Variants in KLHL29 observed in about 807,000 individuals in gnomAD.
The protein encoded by KLHL29 is kelch-like protein 29.
Under a neutral mutation model 80.4 loss-of-function variants are expected in KLHL29, and 21 were observed. The observed-to-expected ratio is 0.26, with a 90% CI of 0.19 to 0.38. The LOEUF is 0.38. Among genes scored for constraint, KLHL29 ranks in the 10% least tolerant of loss-of-function variants. KLHL29 has a pLI of 1.00. For synonymous variants in KLHL29, 511 were observed against 526.8 expected (o/e 0.97, Z 0.41); for missense variants, 867 against 1,223.9 (o/e 0.71, Z 4.35).
intron 2 of KLHL29, among the ~76,000 whole-genome samples, chr2:23,521,504 T>C (rs1271058990): frequency 6.6e-6 from 1 of 152,210 alleles, no homozygotes; most frequent in African/African-American, 2.4e-5. Context: ...ATGTGCTGCA[T>C]TGGGCCAGCT....
At chr2:23,687,571 G>A (rs961064338) in intron 6 of KLHL29, among the ~76,000 whole-genome samples, 1 of 152,224 alleles carries the variant, frequency 6.6e-6, no homozygotes, top group African/African-American at 2.4e-5. Flanking sequence ...ACAGTCTGGT[G>A]GGGACACGCT....
At chr2:23,560,624 T>C (rs1473998959) in intron 2 of KLHL29, among the ~76,000 whole-genome samples, 1 of 152,226 alleles carries the variant, frequency 6.6e-6, no homozygotes, top group Non-Finnish European at 1.5e-5. Context: ...GAAAGCATAA[T>C]GGTGAAATAA....
At chr2:23,601,118 A>G (rs1289166424) in intron 3 of KLHL29, among the ~76,000 whole-genome samples, 1 of 152,116 alleles carries the variant, frequency 6.6e-6, no homozygotes, top group Non-Finnish European at 1.5e-5. Flanking sequence ...TCCTGCCCCC[A>G]AGTTTGCGCT....
At chr2:23,657,121 C>T (rs1572471730) in intron 5 of KLHL29, among the ~76,000 whole-genome samples, 1 of 152,080 alleles carries the variant, frequency 6.6e-6, no homozygotes, top group Non-Finnish European at 1.5e-5. Flanking sequence ...CCCTTACTCC[C>T]TTTTCCTGCT....
At chr2:23,646,988 T>A (rs1669952973) in intron 5 of KLHL29, among the ~76,000 whole-genome samples, 1 of 152,008 alleles carries the variant, frequency 6.6e-6, no homozygotes, top group Non-Finnish European at 1.5e-5. Flanking sequence ...TGGTCCAGGG[T>A]CTAGAGAGTT....
rs926570824 is a variant in KLHL29, at chr2:23,707,172, C to T, written c.*508C>T. On this transcript the variant is annotated 3_prime_UTR_variant, in exon 14 of 14. Transcript: ENST00000486442. ...AGGGACAATACTGTGCATCACAAGG[C>T]CTAGGAGGCTGCTGGTCCCCACTGG... 5 of 152,294 alleles carry T rather than the reference C, an allele frequency of 3.3e-5. No individual in the cohort carries two copies. Among genetic ancestry groups the T allele is most frequent in the African/African-American group, 1.2e-4 (5 of 41,464 alleles). The allele number at this position is 152,294 out of a possible 1,614,324, so 9.4% of individuals were successfully genotyped here.
chr2:23,582,229 T>C (rs1160930445), intron 3 of KLHL29, among the ~76,000 whole-genome samples: 3 of 152,256 alleles, frequency 2.0e-5, no homozygotes, highest in Non-Finnish European at 2.9e-5. Context: ...GTGTGCTTTA[T>C]GGTTTTCAAA....
rs374308977 is a variant in KLHL29 at position 23,703,249 on chromosome 2, T to C, written c.2169T>C (p.Ala723=). The C allele has an allele frequency of 1.2e-5, 18 of 1,544,204 alleles. No homozygotes were observed. The African/African-American group carries it at 2.5e-4, about 21-fold the overall frequency. The part of the protein sequence containing the change: ...VAPLPKAVHS[A]AATVCGGKIY... ...CTCTGCCCAAGGCAGTACACTCTGC[T>C]GCAGCCACAGTGTGTGGCGGCAAGA... is the stretch of plus-strand genomic sequence containing the variant. Residue 723 remains alanine, a synonymous_variant, in exon 12 of 14, where the codon GCT becomes GCC. Transcript: ENST00000486442.
chr2:23,645,068 C>T (rs529253987), intron 5 of KLHL29, among the ~76,000 whole-genome samples: 139 of 152,254 alleles, frequency 9.1e-4, no homozygotes, highest in Non-Finnish European at 1.4e-3. Flanking sequence ...GAAAGAGTGA[C>T]GCACGCGCCT....
At chr2:23,490,770 G>C (rs916812118) in intron 2 of KLHL29, among the ~76,000 whole-genome samples, 1 of 152,128 alleles carries the variant, frequency 6.6e-6, no homozygotes, top group Admixed American at 6.6e-5. Flanking sequence ...TCCCTCCTCA[G>C]GGCTGGTTAC....
At position 23,577,769 on chromosome 2, in the gene KLHL29, A is replaced by C. The variant is rs994633265; in HGVS notation, c.285+15288A>C. On this transcript the variant is annotated intron_variant, in intron 3 of 13. Coordinates refer to ENST00000486442, the MANE Select transcript of KLHL29 (RefSeq NM_052920.2). ...ATCTCAAAAAAAAAAAAAAGAAAAG[A>C]AAGATCAGTAGGGCTTCCTGGCCAG... Among the ~76,000 whole-genome samples the C allele has an allele frequency of 2.6e-5, 4 of 151,582 alleles. No individual in the cohort carries two copies. In the East Asian group the frequency reaches 7.7e-4, roughly 29 times the overall value.
chr2:23,571,278 G>A (rs1667710854), intron 3 of KLHL29, among the ~76,000 whole-genome samples: 1 of 152,228 alleles, frequency 6.6e-6, no homozygotes, highest in South Asian at 2.1e-4. Context: ...ATGGGGGCGT[G>A]GGCTGAGCCT....
chr2:23,653,570 A>G (rs1670148162), intron 5 of KLHL29, among the ~76,000 whole-genome samples: 1 of 152,054 alleles, frequency 6.6e-6, no homozygotes, highest in African/African-American at 2.4e-5. Flanking sequence ...GACACGCACC[A>G]CTCACAGGGG....
At chr2:23,704,266 T>C (rs1011004777) in intron 13 of KLHL29, among the ~76,000 whole-genome samples, 1 of 152,138 alleles carries the variant, frequency 6.6e-6, no homozygotes, top group Non-Finnish European at 1.5e-5. Context: ...TCTGAGGACA[T>C]GAACGATCCT....
intron 2 of KLHL29, among the ~76,000 whole-genome samples, chr2:23,483,333 G>A (rs1664849488): frequency 6.6e-6 from 1 of 152,224 alleles, no homozygotes; most frequent in South Asian, 2.1e-4. Context: ...AACAGCTTGT[G>A]TAAAAGCCTG....
At chr2:23,517,998 G>A (rs1003888587) in intron 2 of KLHL29, among the ~76,000 whole-genome samples, 6 of 152,222 alleles carry the variant, frequency 3.9e-5, no homozygotes, top group Non-Finnish European at 5.9e-5. Flanking sequence ...CAGGGAGGAT[G>A]AGAAGTCCCC....
chr2:23,457,449 C>T lies in KLHL29; in HGVS notation c.-153-18111C>T, dbSNP rs1664086351. 6.6e-6 allele frequency among the ~76,000 whole-genome samples: 1 copy of T among 152,176 alleles called. No individual in the cohort carries two copies. The highest frequency in any genetic ancestry group is 1.5e-5 in the Non-Finnish European group (1 of 68,044). ...AAGTGGTTTTGGCATGGTTCTGGGG[C>T]CCTTCCCCTCCAGGACCCCTGCGGT... is the stretch of plus-strand genomic sequence containing the variant. On this transcript the variant is annotated intron_variant, in intron 1 of 13. Coordinates refer to ENST00000486442, the MANE Select transcript of KLHL29 (RefSeq NM_052920.2). The surrounding 1 kb of genome is among the most constrained non-coding windows in gnomAD (Gnocchi z 4.3).
intron 2 of KLHL29, among the ~76,000 whole-genome samples, chr2:23,505,704 T>C (rs1665578285): frequency 6.6e-6 from 1 of 152,192 alleles, no homozygotes; most frequent in African/African-American, 2.4e-5. Context: ...AGATGGAAGC[T>C]CCTACTAGAC....
intron 5 of KLHL29, among the ~76,000 whole-genome samples, chr2:23,644,740 G>C (rs941677279): frequency 6.6e-6 from 1 of 152,252 alleles, no homozygotes; most frequent in South Asian, 2.1e-4. Flanking sequence ...ACCATCCTCT[G>C]TGGTGGTCCT....
Sources: allele counts gnomAD v4.1 joint callset (sites outside exome capture counted in the v4.1 genomes callset), GRCh38; gene constraint gnomAD v4.1.1; non-coding constraint Gnocchi (gnomAD v3.1); transcripts MANE v1.5; gene names NCBI Gene and HGNC (gene_info 2026-07-23, HGNC 2026-07-21).